TMEM63A: variants seen among roughly 807,000 people sequenced by gnomAD.
TMEM63A encodes the protein transmembrane protein 63A.
In TMEM63A, 76 loss-of-function variants were observed where a neutral mutation model predicts 100.6. The observed-to-expected ratio is 0.76, with a 90% CI of 0.63 to 0.91. TMEM63A has a LOEUF of 0.91. Among genes scored for constraint, TMEM63A ranks in the 40% least tolerant of loss-of-function variants. The probability of loss-of-function intolerance (pLI) is 0.00; values close to 1 mark genes in which losing one functional copy is unlikely to be tolerated. For missense variants in TMEM63A, 876 were observed against 1,008.8 expected (o/e 0.87, Z 1.78); for synonymous variants, 401 against 401.1 (o/e 1.00, Z 0.00).
At position 225,867,193 on chromosome 1, in the gene TMEM63A, G is replaced by T. The variant is rs574791972; in HGVS notation, c.515-30C>A. On this transcript the variant is annotated intron_variant, in intron 7 of 24. Coordinates refer to ENST00000366835, the MANE Select transcript of TMEM63A (RefSeq NM_014698.3). This position sits in a 1 kb window ranked among gnomAD's most constrained non-coding sequence, Gnocchi z 4.6. Reference sequence around the variant, plus strand: ...AGAGAAGCACAGATACTTAGTTCCAGGGTCATGTGGGGAAGCAGGAGGGGG... The same window carrying T: ...AGAGAAGCACAGATACTTAGTTCCATGGTCATGTGGGGAAGCAGGAGGGGG... The T allele has an allele frequency of 8.1e-6, 13 of 1,612,872 alleles. No individual in the cohort carries two copies. In the Middle Eastern group the frequency reaches 1.6e-3, roughly 205 times the overall value.
Position 225,874,445 on chromosome 1 carries a change from G to A in TMEM63A, c.187-78C>T. The A allele has an allele frequency of 6.3e-6, 8 of 1,268,368 alleles. No homozygotes were observed. In the South Asian group the frequency reaches 1.0e-4, roughly 16 times the overall value. 78.6% of individuals were successfully genotyped at this position (1,268,368 alleles called of 1,614,324 possible). A position where few individuals can be genotyped will look rare whatever the true frequency, so the allele number is the denominator to read the frequency against. On this transcript the variant is annotated intron_variant, in intron 3 of 24. Transcript: ENST00000366835. ...AAGACACAGCGGTCTCAGGGGTAAA[G>A]CCCACCTGCCCGCACTCAGCAGGGC... is the stretch of plus-strand genomic sequence containing the variant.
chr1:225,877,029 T>C (rs1670838697), intron 3 of TMEM63A, among the ~76,000 whole-genome samples: 1 of 152,152 alleles, frequency 6.6e-6, no homozygotes, highest in South Asian at 2.1e-4. Flanking sequence ...TGCTCTATTC[T>C]AGTCCGTACT....
downstream of TMEM63A, chr1:225,845,263 T>TG (rs762081544): frequency 6.2e-6 from 10 of 1,613,866 alleles, no homozygotes; most frequent in Middle Eastern, 3.4e-4. Context: ...ACATGGTTCG[T>TG]GGGGGCCACT....
rs1251643204 is a variant in TMEM63A, at chr1:225,871,985, A to C, written c.333+2T>G. ...GACCACAACTGGGCCTTAGATACCA[A>C]CCAGCTCATTTTCAAAGTCTTGTTG... is the stretch of plus-strand genomic sequence containing the variant. On this transcript the variant is annotated splice_donor_variant, in intron 5 of 24. Coordinates refer to ENST00000366835, the MANE Select transcript of TMEM63A (RefSeq NM_014698.3). LOFTEE classifies it high-confidence loss of function. The C allele has an allele frequency of 6.2e-7, 1 of 1,612,594 alleles. No homozygotes were observed. Among genetic ancestry groups the C allele is most frequent in the East Asian group, 2.2e-5 (1 of 44,884 alleles).
At position 225,853,102 on chromosome 1, in the gene TMEM63A, T is replaced by G. The variant is rs1669434923; in HGVS notation, c.1798-333A>C. ...GCAGGGGATCCTGGGCCAGCTTAGTTCATGCCTCTGTGAAATCGGGATACT... is the reference window on the plus strand; with the variant it reads ...GCAGGGGATCCTGGGCCAGCTTAGTGCATGCCTCTGTGAAATCGGGATACT... On this transcript the variant is annotated intron_variant, in intron 19 of 24. Coordinates refer to ENST00000366835, the MANE Select transcript of TMEM63A (RefSeq NM_014698.3). The surrounding 1 kb of genome is among the most constrained non-coding windows in gnomAD (Gnocchi z 4.0). 6.6e-6 allele frequency among the ~76,000 whole-genome samples: 1 copy of G among 152,158 alleles called. No individual in the cohort carries two copies. The highest frequency in any genetic ancestry group is 1.5e-5 in the Non-Finnish European group (1 of 68,038).
chr1:225,880,805 C>G (rs1671052817), intron 1 of TMEM63A, among the ~76,000 whole-genome samples: 1 of 152,186 alleles, frequency 6.6e-6, no homozygotes, highest in African/African-American at 2.4e-5. Flanking sequence ...AGTAAACTAC[C>G]TATGCTAATC....
intron 20 of TMEM63A, 51 bp downstream of exon 20, chr1:225,852,613 T>C: frequency 6.3e-7 from 1 of 1,577,302 alleles, no homozygotes; most frequent in Non-Finnish European, 8.7e-7. Flanking sequence ...TTTGGTGCAA[T>C]CAGCCGTCCA....
At chr1:225,852,929 T>C (rs945055044) in intron 19 of TMEM63A, among the ~76,000 whole-genome samples, 160 bp from the exon 20 acceptor site, 5 of 152,234 alleles carry the variant, frequency 3.3e-5, no homozygotes, top group African/African-American at 1.2e-4. Context: ...CCTCCCAGCC[T>C]GCCCTGCTTC....
rs991641018 is a variant in TMEM63A at position 225,853,494 on chromosome 1, C to T, written c.1797+135G>A. Reference sequence around the variant, plus strand: ...GACCCGGGTTTGAGAAGCACTTAGCCCAGTGCCTGCACTAGTGGGTAGTCA... The same window carrying T: ...GACCCGGGTTTGAGAAGCACTTAGCTCAGTGCCTGCACTAGTGGGTAGTCA... On this transcript the variant is annotated intron_variant, in intron 19 of 24. Transcript: ENST00000366835. The surrounding 1 kb of genome is among the most constrained non-coding windows in gnomAD (Gnocchi z 4.0). 2 of 936,658 alleles carry T rather than the reference C, an allele frequency of 2.1e-6. No homozygotes were observed. Among genetic ancestry groups the T allele is most frequent in the Middle Eastern group, 3.5e-4 (1 of 2,866 alleles). 58.0% of individuals were successfully genotyped at this position (936,658 alleles called of 1,614,324 possible).
downstream of TMEM63A, chr1:225,842,346 TGCTCCCC>T (rs780293578): frequency 3.9e-6 from 6 of 1,557,114 alleles, no homozygotes; most frequent in Admixed American, 1.7e-5. Context: ...GTCTCTCCCT[TGCTCCCC>T]GCTCCCCGCC....
chr1:225,876,629 G>A (rs115014807), intron 3 of TMEM63A, among the ~76,000 whole-genome samples: 1,977 of 149,512 alleles, frequency 0.013, 41 homozygotes, highest in African/African-American at 0.046. Flanking sequence ...CTAAGAATCA[G>A]CTTCTAATTC....
At chr1:225,852,856 G>T in intron 19 of TMEM63A, 87 bp from the exon 20 acceptor site, 2 of 1,199,516 alleles carry the variant, frequency 1.7e-6, no homozygotes, top group South Asian at 1.3e-5. Context: ...GGGAGAGCAG[G>T]GTGGAGGAGG....
intron 15 of TMEM63A, 149 bp from the exon 16 acceptor site, chr1:225,857,166 G>C: frequency 1.7e-6 from 1 of 599,944 alleles, no homozygotes; most frequent in Non-Finnish European, 2.8e-6. Flanking sequence ...GCCAGGTACA[G>C]AGTTGGTAGT....
intron 3 of TMEM63A, among the ~76,000 whole-genome samples, chr1:225,876,644 T>G (rs1670816293): frequency 2.0e-5 from 2 of 101,676 alleles, no homozygotes; most frequent in Non-Finnish European, 5.0e-5. Context: ...TAATTCTTTT[T>G]TTTGTTTTTT....
At chr1:225,871,019 A>T in intron 6 of TMEM63A, 57 bp downstream of exon 6, 1 of 1,598,386 alleles carries the variant, frequency 6.3e-7, no homozygotes, top group Non-Finnish European at 8.6e-7. Context: ...TGACTGGCCA[A>T]ACACCCAAAA....
chr1:225,874,140 G>A (rs2102643377), intron 4 of TMEM63A, 148 bp downstream of exon 4: 1 of 692,314 alleles, frequency 1.4e-6, no homozygotes, highest in East Asian at 2.8e-5. Context: ...CACATGGAGG[G>A]CTTCATAAGC....
At chr1:225,875,642 CCT>C (rs1189623627) in intron 3 of TMEM63A, among the ~76,000 whole-genome samples, 1 of 152,118 alleles carries the variant, frequency 6.6e-6, no homozygotes, top group Non-Finnish European at 1.5e-5. Context: ...AGGTGCCTGC[CCT>C]CTCTGTCCAC....
chr1:225,871,370 C>T (rs1011325893), intron 5 of TMEM63A, among the ~76,000 whole-genome samples: 1 of 152,172 alleles, frequency 6.6e-6, no homozygotes. Context: ...CTCAGGGCAG[C>T]TCTGGGCAAA....
At chr1:225,854,345 A>G (rs1003083190) in intron 18 of TMEM63A, among the ~76,000 whole-genome samples, 1 of 152,076 alleles carries the variant, frequency 6.6e-6, no homozygotes, top group Non-Finnish European at 1.5e-5. Flanking sequence ...ATCTGTTCCA[A>G]TGGGGTCAGG....
Sources: gnomAD v4.1 joint callset for allele counts (sites outside exome capture counted in the v4.1 genomes callset) on GRCh38, gnomAD v4.1.1 for gene constraint, Gnocchi (gnomAD v3.1) non-coding constraint, MANE v1.5 for transcripts, NCBI Gene and HGNC (gene_info 2026-07-23, HGNC 2026-07-21) for gene names.